PSD3: variants seen among roughly 807,000 people sequenced by gnomAD.
PSD3 encodes PH and SEC7 domain-containing protein 3.
A neutral mutation model predicts 105.5 loss-of-function variants in PSD3; 49 were observed. That is an observed-to-expected ratio of 0.46 (90% CI 0.37 to 0.59). PSD3 has a LOEUF of 0.59. Ranked by LOEUF, PSD3 falls within the 20% of genes least tolerant of loss-of-function variation. The pLI is 0.00. For synonymous variants in PSD3, 557 were observed against 457.8 expected (o/e 1.22, Z -2.77); for missense variants, 1,561 against 1,263.8 (o/e 1.24, Z -3.57).
At chr8:18,832,872 C>T (rs1813789234) in intron 4 of PSD3, among the ~76,000 whole-genome samples, 1 of 152,086 alleles carries the variant, frequency 6.6e-6, no homozygotes, top group South Asian at 2.1e-4. Flanking sequence ...TCCCATGATT[C>T]AATTACCTCC....
At chr8:19,055,118 G>A (rs191630428) in intron 1 of PSD3, among the ~76,000 whole-genome samples, 3 of 152,156 alleles carry the variant, frequency 2.0e-5, no homozygotes, top group African/African-American at 7.2e-5. Context: ...CAAGAAATAA[G>A]CCTTTGTTGC....
At position 18,867,618 on chromosome 8, in the gene PSD3, G is replaced by A. The variant is rs1817032055; in HGVS notation, c.1634+56C>T. 2.6e-6 allele frequency: 4 copies of A among 1,523,472 alleles called. No homozygotes were observed. In the Admixed American group the frequency reaches 8.4e-5, roughly 32 times the overall value. 94.4% of individuals were successfully genotyped at this position (1,523,472 alleles called of 1,614,324 possible). Reference sequence around the variant, plus strand: ...ATATATTCCACACTCAGATTTCCCAGAAAAGAAATCCTACAAAAACCACCA... The same window carrying A: ...ATATATTCCACACTCAGATTTCCCAAAAAAGAAATCCTACAAAAACCACCA... On this transcript the variant is annotated intron_variant, in intron 4 of 15. Coordinates refer to ENST00000327040, the MANE Select transcript of PSD3 (RefSeq NM_015310.4).
intron 9 of PSD3, among the ~76,000 whole-genome samples, chr8:18,678,900 G>C (rs1585595215): frequency 6.6e-6 from 1 of 152,062 alleles, no homozygotes; most frequent in African/African-American, 2.4e-5. Context: ...ATGCATCCCT[G>C]AATGTTCAAA....
intron 1 of PSD3, chr8:19,000,514 T>G (rs1432980799): frequency 1.3e-5 from 1 of 74,516 alleles, no homozygotes; most frequent in African/African-American, 4.0e-5. Context: ...TCTACTTCTA[T>G]CAGAAGTCTC....
At chr8:19,054,414 A>G (rs747023439) in intron 1 of PSD3, among the ~76,000 whole-genome samples, 1 of 152,198 alleles carries the variant, frequency 6.6e-6, no homozygotes, top group Non-Finnish European at 1.5e-5. Context: ...AAGAACTTGT[A>G]GCATATGTCA....
At chr8:18,582,585 C>T (rs1294919521) in intron 12 of PSD3, among the ~76,000 whole-genome samples, 1 of 152,072 alleles carries the variant, frequency 6.6e-6, no homozygotes, top group Admixed American at 6.6e-5. Context: ...CTGTTCAGAT[C>T]TGCATTTCTG....
intron 2 of PSD3, among the ~76,000 whole-genome samples, chr8:18,930,837 G>A (rs531451656): frequency 6.6e-6 from 1 of 152,138 alleles, no homozygotes; most frequent in African/African-American, 2.4e-5. Context: ...CAAAGTGCTG[G>A]GATTACAGGC....
intron 10 of PSD3, among the ~76,000 whole-genome samples, chr8:18,650,204 A>T (rs571939438): frequency 4.6e-5 from 7 of 152,346 alleles, no homozygotes; most frequent in African/African-American, 1.7e-4. Context: ...TTTTCTGAAG[A>T]TCCTCATGCA....
At chr8:18,706,563 T>A (rs1006977565) in intron 9 of PSD3, among the ~76,000 whole-genome samples, 8 of 152,236 alleles carry the variant, frequency 5.3e-5, no homozygotes, top group African/African-American at 1.9e-4. Context: ...AGAGCACTGG[T>A]GGTGCCCATC....
chr8:18,838,025 C>A (rs1814269167), intron 4 of PSD3, among the ~76,000 whole-genome samples: 1 of 152,104 alleles, frequency 6.6e-6, no homozygotes, highest in Admixed American at 6.5e-5. Flanking sequence ...AGACACAGCT[C>A]CCTAATTTCT....
At chr8:18,992,022 T>C (rs374887941) in intron 1 of PSD3, among the ~76,000 whole-genome samples, 1 of 152,190 alleles carries the variant, frequency 6.6e-6, no homozygotes, top group South Asian at 2.1e-4. Flanking sequence ...GAATCATCAG[T>C]GAAAATGTCC....
At chr8:18,873,982 T>A (rs1428151201) in intron 2 of PSD3, among the ~76,000 whole-genome samples, 1 of 152,176 alleles carries the variant, frequency 6.6e-6, no homozygotes, top group African/African-American at 2.4e-5. Context: ...ACCAAAACTT[T>A]CAATTGGGGG....
At chr8:18,674,695 T>G (rs1799973493) in intron 9 of PSD3, among the ~76,000 whole-genome samples, 1 of 152,106 alleles carries the variant, frequency 6.6e-6, no homozygotes, top group Non-Finnish European at 1.5e-5. Context: ...TTTTACCTGT[T>G]TTTAAGAAGA....
chr8:18,953,573 ACC>A (rs1028564486), intron 1 of PSD3, among the ~76,000 whole-genome samples: 1 of 151,860 alleles, frequency 6.6e-6, no homozygotes, highest in Non-Finnish European at 1.5e-5. Context: ...ACATGTTAAA[ACC>A]CCATCTCTAC....
At chr8:18,989,170 A>C (rs13274953) in intron 1 of PSD3, 41,780 of 152,212 alleles carry the variant, frequency 0.27, 6,450 homozygotes, top group Non-Finnish European at 0.35. Flanking sequence ...GAGTCTCAAT[A>C]ACCAGTGAGC....
chr8:18,631,971 A>G (rs1246249215), intron 11 of PSD3, among the ~76,000 whole-genome samples: 2 of 152,042 alleles, frequency 1.3e-5, no homozygotes, highest in Non-Finnish European at 2.9e-5. Flanking sequence ...TATTCTAACT[A>G]TATAAGCATG....
intron 8 of PSD3, among the ~76,000 whole-genome samples, chr8:18,791,377 G>A (rs1586007626): frequency 6.6e-6 from 1 of 152,178 alleles, no homozygotes; most frequent in East Asian, 1.9e-4. Flanking sequence ...GTACAAGAAT[G>A]AACACACAGA....
chr8:18,991,030 G>A (rs1825761971), intron 1 of PSD3, among the ~76,000 whole-genome samples: 2 of 152,108 alleles, frequency 1.3e-5, no homozygotes, highest in African/African-American at 4.8e-5. Flanking sequence ...CCAGGAAAGT[G>A]AAATACATAA....
At chr8:18,838,139 G>A (rs1281025009) in intron 4 of PSD3, among the ~76,000 whole-genome samples, 1 of 152,178 alleles carries the variant, frequency 6.6e-6, no homozygotes, top group East Asian at 1.9e-4. Context: ...AATGCCATCT[G>A]ACACAGCTCA....
Sources: gnomAD v4.1 joint callset for allele counts (sites outside exome capture counted in the v4.1 genomes callset) on GRCh38, gnomAD v4.1.1 for gene constraint, MANE v1.5 for transcripts, NCBI Gene and HGNC (gene_info 2026-07-23, HGNC 2026-07-21) for gene names.